IQGAP2: variants seen among roughly 807,000 people sequenced by gnomAD.
IQGAP2 encodes the protein IQ motif containing GTPase activating protein 2, also known as ras GTPase-activating-like protein IQGAP2.
IQGAP2 carries 173 observed loss-of-function variants against 201.3 expected under a neutral mutation model. That is an observed-to-expected ratio of 0.86 (90% CI 0.76 to 0.98). The LOEUF is 0.98. Among genes scored for constraint, IQGAP2 ranks in the 50% least tolerant of loss-of-function variants. IQGAP2 has a pLI of 0.00. For synonymous variants in IQGAP2, 675 were observed against 673.9 expected, an observed-to-expected ratio of 1.00 and a Z score of -0.03; for missense variants, 1,687 against 1,864.8, an observed-to-expected ratio of 0.90 and a Z score of 1.76.
intron 1 of IQGAP2, among the ~76,000 whole-genome samples, chr5:76,451,606 C>T (rs1194676187): frequency 2.0e-5 from 3 of 152,228 alleles, no homozygotes; most frequent in Non-Finnish European, 2.9e-5. Flanking sequence ...ATTCATTGTA[C>T]ATTTTGAATG....
intron 1 of IQGAP2, among the ~76,000 whole-genome samples, chr5:76,426,378 A>T (rs572675973): frequency 1.8e-3 from 267 of 152,300 alleles, no homozygotes; most frequent in Middle Eastern, 3.4e-3. Context: ...GCCCATAAGG[A>T]TGGGTCTGTG....
At chr5:76,651,375 G>C (rs1485722727) in intron 17 of IQGAP2, among the ~76,000 whole-genome samples, 1 of 152,162 alleles carries the variant, frequency 6.6e-6, no homozygotes, top group African/African-American at 2.4e-5. Context: ...GCCAAGGTAG[G>C]GTGGATTGCT....
At chr5:76,646,114 C>T (rs1752015104) in intron 17 of IQGAP2, among the ~76,000 whole-genome samples, 6 of 152,144 alleles carry the variant, frequency 3.9e-5, no homozygotes, top group Admixed American at 3.9e-4. Flanking sequence ...CCAGTGTTAA[C>T]CACCAAAATA....
chr5:76,489,658 GT>G (rs1756412018), intron 2 of IQGAP2, among the ~76,000 whole-genome samples: 2 of 152,224 alleles, frequency 1.3e-5, no homozygotes, highest in South Asian at 2.1e-4. Context: ...TAGAGATGGG[GT>G]TTCACCATTG....
At chr5:76,623,060 T>C in intron 13 of IQGAP2, 1 of 971,682 alleles carries the variant, frequency 1.0e-6, no homozygotes, top group Non-Finnish European at 1.6e-6. Flanking sequence ...CAAACTGCCT[T>C]TGGGGTTTAC....
At chr5:76,404,582 G>GT (rs1750693200) in intron 1 of IQGAP2, 38 of 628,334 alleles carry the variant, frequency 6.0e-5, no homozygotes, top group Non-Finnish European at 6.7e-5. Context: ...TGTTTTGTTT[G>GT]TGTGTGTGTG....
intron 25 of IQGAP2, 93 bp downstream of exon 25, chr5:76,673,682 TC>T: frequency 7.8e-7 from 1 of 1,278,952 alleles, no homozygotes; most frequent in Non-Finnish European, 1.1e-6. Context: ...ACAGCAGTTT[TC>T]CCTTATATTG....
chr5:76,481,329 T>G (rs374219899), intron 2 of IQGAP2, among the ~76,000 whole-genome samples: 1 of 152,176 alleles, frequency 6.6e-6, no homozygotes, highest in African/African-American at 2.4e-5. Flanking sequence ...TAATGTATTT[T>G]ATTTAACCTA....
At chr5:76,471,024 A>C (rs1561396108) in intron 2 of IQGAP2, among the ~76,000 whole-genome samples, 1 of 152,216 alleles carries the variant, frequency 6.6e-6, no homozygotes, top group East Asian at 1.9e-4. Context: ...TATTCAAATA[A>C]TGAAAATGAA....
intron 14 of IQGAP2, 131 bp downstream of exon 14, chr5:76,627,631 A>G: frequency 1.6e-6 from 1 of 625,568 alleles, no homozygotes; most frequent in Non-Finnish European, 2.9e-6. Context: ...ACATAATTAT[A>G]CCGAAATTAG....
chr5:76,643,888 T>G (rs1220159511), intron 17 of IQGAP2, among the ~76,000 whole-genome samples: 1 of 151,650 alleles, frequency 6.6e-6, no homozygotes, highest in African/African-American at 2.4e-5. Context: ...CCTCAGTTGT[T>G]TTAATGTAAC....
At chr5:76,701,330 G>T (rs557292674) in intron 34 of IQGAP2, 117 bp downstream of exon 34, 2 of 926,460 alleles carry the variant, frequency 2.2e-6, no homozygotes, top group East Asian at 4.9e-5. Flanking sequence ...GGTGACAAGG[G>T]AAGAATACAC....
At chr5:76,628,731 T>C in intron 14 of IQGAP2, 1 of 456,210 alleles carries the variant, frequency 2.2e-6, no homozygotes, top group Non-Finnish European at 4.4e-6. Context: ...ATCTGGGCTT[T>C]ATCTCCTTAG....
At chr5:76,459,729 C>G (rs573496557) in intron 1 of IQGAP2, among the ~76,000 whole-genome samples, 20 of 152,212 alleles carry the variant, frequency 1.3e-4, no homozygotes, top group African/African-American at 4.3e-4. Context: ...ACCTCCGCCT[C>G]CTGGGTTGAA....
chr5:76,603,728 G>A (rs1395603965), intron 11 of IQGAP2, among the ~76,000 whole-genome samples: 1 of 152,132 alleles, frequency 6.6e-6, no homozygotes, highest in African/African-American at 2.4e-5. Flanking sequence ...CATGTAGTAA[G>A]TGCTCACAAA....
chr5:76,589,069 T>C, intron 6 of IQGAP2, 96 bp downstream of exon 6: 1 of 715,550 alleles, frequency 1.4e-6, no homozygotes, highest in Non-Finnish European at 2.4e-6. Flanking sequence ...ATCCCAGCAC[T>C]TTGGGAGGCC....
chr5:76,703,463 T>C (rs2150567301), intron 35 of IQGAP2, among the ~76,000 whole-genome samples: 1 of 152,196 alleles, frequency 6.6e-6, no homozygotes, highest in South Asian at 2.1e-4. Context: ...GCCCCTAGAA[T>C]AGTTTTTACG....
chr5:76,459,269 G>C (rs1236636260), intron 1 of IQGAP2, among the ~76,000 whole-genome samples: 1 of 152,096 alleles, frequency 6.6e-6, no homozygotes, highest in Non-Finnish European at 1.5e-5. Flanking sequence ...ACGGGGTTCT[G>C]CTGGGGCTTC....
chr5:76,429,088 A>T (rs1469165853), intron 1 of IQGAP2, among the ~76,000 whole-genome samples: 1 of 151,186 alleles, frequency 6.6e-6, no homozygotes, highest in South Asian at 2.1e-4. Flanking sequence ...AAAAAAAAAA[A>T]AAATTCTAGA....
Sources: gnomAD v4.1 joint callset for allele counts (sites outside exome capture counted in the v4.1 genomes callset) on GRCh38, gnomAD v4.1.1 for gene constraint, MANE v1.5 for transcripts, NCBI Gene and HGNC (gene_info 2026-07-23, HGNC 2026-07-21) for gene names.